NEK11: variants seen among roughly 807,000 people sequenced by gnomAD.
The protein encoded by NEK11 is serine/threonine-protein kinase Nek11.
Under a neutral mutation model 80.7 loss-of-function variants are expected in NEK11, and 72 were observed. The observed-to-expected ratio is 0.89, with a 90% CI of 0.74 to 1.08. The LOEUF (loss-of-function observed/expected upper bound fraction) is 1.08. NEK11 is among the 50% of genes least tolerant of loss of function. The pLI is 0.00. For missense variants in NEK11, 764 were observed against 763.6 expected (o/e 1.00, Z -0.01); for synonymous variants, 251 against 260.7 (o/e 0.96, Z 0.36).
At chr3:131,100,552 A>G (rs2078217417) in intron 4 of NEK11, among the ~76,000 whole-genome samples, 1 of 152,068 alleles carries the variant, frequency 6.6e-6, no homozygotes, top group East Asian at 1.9e-4. Flanking sequence ...CACAAGTGAC[A>G]CTGCAAGACT....
In NEK11 at chr3:131,340,904, G is replaced by C. The variant is rs183182421; in HGVS notation, c.1719-8653G>C. ...TTCTTGAAGAAAATGATAAAATTTA[G>C]AAAGGAAATGCACCATAGAAAGAAA... On this transcript the variant is annotated intron_variant, in intron 17 of 17. Coordinates refer to ENST00000383366, the MANE Select transcript of NEK11 (RefSeq NM_024800.5). Among the ~76,000 whole-genome samples, 7 of 152,214 alleles carry C rather than the reference G, an allele frequency of 4.6e-5. No homozygotes were observed. In the East Asian group the frequency reaches 1.2e-3, roughly 25 times the overall value.
chr3:131,261,675 C>T (rs545367884), intron 16 of NEK11, among the ~76,000 whole-genome samples: 1 of 152,202 alleles, frequency 6.6e-6, no homozygotes, highest in South Asian at 2.1e-4. Context: ...GCTTTTTCCA[C>T]GGACCTCATT....
At chr3:131,032,904 A>T (rs2065083761) in intron 3 of NEK11, among the ~76,000 whole-genome samples, 2 of 152,238 alleles carry the variant, frequency 1.3e-5, no homozygotes, top group African/African-American at 4.8e-5. Flanking sequence ...TTAGCTAATT[A>T]CCACCCAATG....
intron 15 of NEK11, among the ~76,000 whole-genome samples, chr3:131,231,815 G>C (rs776459303): frequency 3.3e-5 from 5 of 151,940 alleles, no homozygotes; most frequent in African/African-American, 4.8e-5. Context: ...GTCTTGCCCT[G>C]GACCTCTGAG....
intron 16 of NEK11, among the ~76,000 whole-genome samples, chr3:131,263,713 C>A (rs2095982067): frequency 6.6e-6 from 1 of 152,116 alleles, no homozygotes; most frequent in Non-Finnish European, 1.5e-5. Context: ...GATTTATAAT[C>A]CTTTGGGTGT....
At chr3:131,114,046 AG>A (rs1420575980) in intron 5 of NEK11, among the ~76,000 whole-genome samples, 9 of 151,586 alleles carry the variant, frequency 5.9e-5, no homozygotes, top group East Asian at 5.8e-4. Flanking sequence ...TGGAGTGAGG[AG>A]GGGGAGGAAG....
chr3:131,243,413 AC>A, intron 15 of NEK11, 22 bp from the exon 16 acceptor site: 1 of 1,605,662 alleles, frequency 6.2e-7, no homozygotes, highest in Non-Finnish European at 8.5e-7. Flanking sequence ...GGGAAAATAA[AC>A]ATTTCTCCCT....
intron 3 of NEK11, among the ~76,000 whole-genome samples, chr3:131,077,493 G>T (rs17331416): frequency 0.17 from 26,599 of 152,090 alleles, 2,430 homozygotes; most frequent in Non-Finnish European, 0.21. Flanking sequence ...TATCATCAAG[G>T]TGCCAGACGG....
chr3:131,071,188 C>G (rs1362563806), intron 3 of NEK11, among the ~76,000 whole-genome samples: 1 of 152,100 alleles, frequency 6.6e-6, no homozygotes, highest in East Asian at 1.9e-4. Flanking sequence ...ACGGGTAATT[C>G]AGCTTCCAGA....
chr3:131,287,617 G>A (rs538393053), intron 17 of NEK11, among the ~76,000 whole-genome samples: 1 of 152,146 alleles, frequency 6.6e-6, no homozygotes, highest in African/African-American at 2.4e-5. Context: ...GATTTTTAAG[G>A]CCCCGGGGAT....
intron 16 of NEK11, among the ~76,000 whole-genome samples, chr3:131,244,727 G>C (rs2095571478): frequency 6.6e-6 from 1 of 152,060 alleles, no homozygotes; most frequent in Non-Finnish European, 1.5e-5. Flanking sequence ...TTTGAGACCA[G>C]TCTGGGCAAC....
At chr3:131,066,136 TG>T (rs2071896433) in intron 3 of NEK11, among the ~76,000 whole-genome samples, 1 of 152,230 alleles carries the variant, frequency 6.6e-6, no homozygotes, top group Non-Finnish European at 1.5e-5. Flanking sequence ...TGCTTCTCTG[TG>T]ATCTACCAAT....
At chr3:131,333,565 A>T (rs2097131375) in intron 17 of NEK11, among the ~76,000 whole-genome samples, 2 of 152,204 alleles carry the variant, frequency 1.3e-5, no homozygotes, top group African/African-American at 4.8e-5. Context: ...TCAACTAACG[A>T]GCAAAATCAC....
intron 17 of NEK11, among the ~76,000 whole-genome samples, chr3:131,295,592 A>G (rs1342551861): frequency 7.9e-5 from 12 of 152,202 alleles, no homozygotes; most frequent in Admixed American, 7.9e-4. Flanking sequence ...TTTGGTTCTA[A>G]AAACAATAGA....
At chr3:131,306,425 C>T (rs1019267387) in intron 17 of NEK11, among the ~76,000 whole-genome samples, 8 of 152,264 alleles carry the variant, frequency 5.3e-5, no homozygotes, top group Middle Eastern at 3.4e-3. Context: ...GTGCCTCTGG[C>T]TGTGAACTTT....
chr3:131,185,130 C>T (rs952348050), intron 14 of NEK11, among the ~76,000 whole-genome samples: 3 of 152,110 alleles, frequency 2.0e-5, no homozygotes, highest in Admixed American at 6.6e-5. Flanking sequence ...TATGACAGAA[C>T]GTTAGCAAAT....
intron 4 of NEK11, among the ~76,000 whole-genome samples, chr3:131,094,830 C>G (rs1301910047): frequency 6.6e-6 from 1 of 152,114 alleles, no homozygotes; most frequent in African/African-American, 2.4e-5. Flanking sequence ...ACAAACCAGA[C>G]AGTGGTTATA....
intron 4 of NEK11, chr3:131,092,757 A>G: frequency 6.6e-6 from 1 of 152,244 alleles, no homozygotes; most frequent in East Asian, 1.9e-4. Flanking sequence ...GAACCATTCT[A>G]CAAAAGATGC....
intron 17 of NEK11, among the ~76,000 whole-genome samples, chr3:131,296,969 T>C (rs1262332720): frequency 6.6e-6 from 1 of 152,242 alleles, no homozygotes; most frequent in African/African-American, 2.4e-5. Context: ...GTTTCATCCA[T>C]GTCCCTACAA....
Sources: allele counts gnomAD v4.1 joint callset (sites outside exome capture counted in the v4.1 genomes callset), GRCh38; gene constraint gnomAD v4.1.1; transcripts MANE v1.5; gene names NCBI Gene and HGNC (gene_info 2026-07-23, HGNC 2026-07-21).